WWOX: variants seen among roughly 807,000 people sequenced by gnomAD.
The protein encoded by WWOX is WW domain containing oxidoreductase.
In WWOX, 69 loss-of-function variants were observed where a neutral mutation model predicts 46.2. That is an observed-to-expected ratio of 1.49 (90% CI 1.23 to 1.82). The LOEUF is 1.82. WWOX is among the 40% of genes most tolerant of loss of function. The pLI, the probability that WWOX is intolerant of heterozygous loss-of-function variation, is 0.00. For missense variants in WWOX, 919 were observed against 542.6 expected, an observed-to-expected ratio of 1.69 and a Z score of -6.89; for synonymous variants, 359 against 202.6, an observed-to-expected ratio of 1.77 and a Z score of -6.56.
intron 5 of WWOX, among the ~76,000 whole-genome samples, chr16:78,323,577 C>G (rs1028333172): frequency 6.6e-6 from 1 of 152,110 alleles, no homozygotes; most frequent in African/African-American, 2.4e-5. Flanking sequence ...AGGCGGGAAC[C>G]CCACTGAGCT....
intron 8 of WWOX, among the ~76,000 whole-genome samples, chr16:78,608,362 C>G (rs1218635944): frequency 6.6e-6 from 1 of 152,170 alleles, no homozygotes; most frequent in African/African-American, 2.4e-5. Flanking sequence ...ATTTATGAAA[C>G]CAGATTGCAA....
At chr16:78,214,430 A>G (rs1435568791) in intron 5 of WWOX, among the ~76,000 whole-genome samples, 1 of 152,128 alleles carries the variant, frequency 6.6e-6, no homozygotes, top group Non-Finnish European at 1.5e-5. Flanking sequence ...TTCTGTGCAC[A>G]ATCGAAGTCT....
At chr16:79,131,624 G>A (rs2049880177) in intron 8 of WWOX, among the ~76,000 whole-genome samples, 1 of 152,120 alleles carries the variant, frequency 6.6e-6, no homozygotes, top group African/African-American at 2.4e-5. Context: ...ACACTGGAAG[G>A]ATATATATTG....
intron 8 of WWOX, among the ~76,000 whole-genome samples, chr16:78,865,067 A>C (rs534939426): frequency 6.6e-6 from 1 of 152,016 alleles, no homozygotes; most frequent in East Asian, 1.9e-4. Flanking sequence ...CTGGCTTTCA[A>C]ATTCCATTTT....
intron 8 of WWOX, among the ~76,000 whole-genome samples, chr16:78,661,789 T>C (rs1318823): frequency 0.8 from 121,825 of 152,246 alleles, 48,796 homozygotes; most frequent in Admixed American, 0.84. Flanking sequence ...GTAATCCCAG[T>C]GCTTTGAGAG....
At chr16:78,839,866 C>A (rs139300030) in intron 8 of WWOX, among the ~76,000 whole-genome samples, 1 of 152,294 alleles carries the variant, frequency 6.6e-6, no homozygotes, top group Non-Finnish European at 1.5e-5. Flanking sequence ...TTTCCAGTGA[C>A]CTCCCAACCC....
chr16:79,001,322 T>G (rs1446392151), intron 8 of WWOX, among the ~76,000 whole-genome samples: 1 of 151,662 alleles, frequency 6.6e-6, no homozygotes, highest in Non-Finnish European at 1.5e-5. Context: ...CCCCCTATTC[T>G]CAGCAGGAGA....
chr16:79,170,781 T>A (rs892058959), intron 8 of WWOX, among the ~76,000 whole-genome samples: 1 of 152,140 alleles, frequency 6.6e-6, no homozygotes, highest in African/African-American at 2.4e-5. Flanking sequence ...AAGGAGGTAA[T>A]TTGCAAGGTC....
At chr16:78,860,878 C>G (rs1334653995) in intron 8 of WWOX, among the ~76,000 whole-genome samples, 1 of 152,124 alleles carries the variant, frequency 6.6e-6, no homozygotes, top group African/African-American at 2.4e-5. Flanking sequence ...ACTCTGTCAC[C>G]CAGGCTAGAG....
At chr16:78,519,259 G>A (rs112808674) in intron 8 of WWOX, among the ~76,000 whole-genome samples, 3,325 of 152,152 alleles carry the variant, frequency 0.022, 73 homozygotes, top group Admixed American at 0.06. Flanking sequence ...CTTGCGGAGT[G>A]CCTAGAACCC....
At chr16:79,089,794 G>A (rs2150597945) in intron 8 of WWOX, among the ~76,000 whole-genome samples, 1 of 152,212 alleles carries the variant, frequency 6.6e-6, no homozygotes, top group South Asian at 2.1e-4. Flanking sequence ...TCCCTTGGGA[G>A]GCTGTTCTGA....
intron 6 of WWOX, among the ~76,000 whole-genome samples, chr16:78,391,314 A>T (rs1422194152): frequency 6.6e-6 from 1 of 152,184 alleles, no homozygotes; most frequent in Non-Finnish European, 1.5e-5. Context: ...ACTTACATAC[A>T]TGTATTCTGT....
At chr16:78,625,566 A>G (rs778492257) in intron 8 of WWOX, among the ~76,000 whole-genome samples, 1 of 152,004 alleles carries the variant, frequency 6.6e-6, no homozygotes, top group African/African-American at 2.4e-5. Context: ...CTATTATTTT[A>G]ACGTCTTATG....
chr16:78,268,696 C>G (rs2079416741), intron 5 of WWOX, among the ~76,000 whole-genome samples: 1 of 152,120 alleles, frequency 6.6e-6, no homozygotes, highest in Non-Finnish European at 1.5e-5. Context: ...ACAGGCTTCC[C>G]CAAACTGGCC....
intron 8 of WWOX, among the ~76,000 whole-genome samples, chr16:78,903,377 C>G (rs1232196913): frequency 6.6e-6 from 1 of 152,096 alleles, no homozygotes; most frequent in South Asian, 2.1e-4. Flanking sequence ...TTTATGCAAA[C>G]GAAGACTCCG....
Position 79,201,908 on chromosome 16 carries a change from G to A in WWOX, c.1057-9700G>A, listed in dbSNP as rs74038820. Among the ~76,000 whole-genome samples the A allele has an allele frequency of 8.6e-3, 1,295 of 151,382 alleles. 11 individuals carry two copies. Among genetic ancestry groups the A allele is most frequent in the African/African-American group, 0.031 (1,250 of 40,766 alleles). On this transcript the variant is annotated intron_variant, in intron 8 of 8. Transcript: ENST00000566780. ...TTCATGACACTTGCAGGAAAAAGAA[G>A]AATTTTCATTTGATCAAATCATTTC...
At chr16:78,483,124 C>T (rs536393661) in intron 8 of WWOX, among the ~76,000 whole-genome samples, 27 of 152,176 alleles carry the variant, frequency 1.8e-4, no homozygotes, top group African/African-American at 5.8e-4. Context: ...AGATGGCTCT[C>T]GATATGCATG....
intron 4 of WWOX, among the ~76,000 whole-genome samples, chr16:78,159,765 T>A (rs937674818): frequency 6.6e-6 from 1 of 150,992 alleles, no homozygotes; most frequent in African/African-American, 2.4e-5. Context: ...TTTGCAAGTA[T>A]TTTTTACTAT....
intron 8 of WWOX, among the ~76,000 whole-genome samples, chr16:78,452,475 CTT>C (rs397945707): frequency 2.9e-4 from 36 of 126,034 alleles, no homozygotes; most frequent in African/African-American, 7.2e-4. Context: ...CTCTCTCTCT[CTT>C]TTTTTTTTTT....
Sources: gnomAD v4.1 joint callset for allele counts (sites outside exome capture counted in the v4.1 genomes callset) on GRCh38, gnomAD v4.1.1 for gene constraint, MANE v1.5 for transcripts, NCBI Gene and HGNC (gene_info 2026-07-23, HGNC 2026-07-21) for gene names.